The following BABAM2 variants were observed in gnomAD, a reference collection of about 807,000 sequenced individuals.
BABAM2 encodes the protein BRISC and BRCA1 A complex member 2.
In BABAM2, 31 loss-of-function variants were observed where a neutral mutation model predicts 54.7. The observed-to-expected ratio is 0.57, with a 90% CI of 0.43 to 0.77. The LOEUF (loss-of-function observed/expected upper bound fraction) is 0.77. BABAM2 is among the 30% of genes least tolerant of loss of function. BABAM2 has a pLI of 0.00. For missense variants in BABAM2, 364 were observed against 455.8 expected, an observed-to-expected ratio of 0.80 and a Z score of 1.83; for synonymous variants, 167 against 162.9, an observed-to-expected ratio of 1.03 and a Z score of -0.19.
intron 4 of BABAM2, among the ~76,000 whole-genome samples, chr2:27,993,277 G>A (rs929780362): frequency 2.0e-5 from 3 of 152,148 alleles, no homozygotes; most frequent in African/African-American, 7.2e-5. Flanking sequence ...AGAGTGCCTG[G>A]TATGTAGGGG....
intron 3 of BABAM2, among the ~76,000 whole-genome samples, chr2:27,977,759 G>A (rs1035594765): frequency 3.3e-5 from 5 of 152,238 alleles, no homozygotes; most frequent in Admixed American, 1.3e-4. Flanking sequence ...GCCAAATGAT[G>A]AAGGAAATTG....
At chr2:27,952,545 G>A (rs1039258287) in intron 3 of BABAM2, among the ~76,000 whole-genome samples, 5 of 152,166 alleles carry the variant, frequency 3.3e-5, no homozygotes, top group Admixed American at 1.3e-4. Context: ...TATCCAGAGG[G>A]CACCAATGTA....
At chr2:28,275,530 C>T (rs554051033) in intron 10 of BABAM2, among the ~76,000 whole-genome samples, 10 of 152,242 alleles carry the variant, frequency 6.6e-5, no homozygotes, top group African/African-American at 1.9e-4. Context: ...AGGCAGGCCT[C>T]GGGGTTGGAA....
At chr2:27,982,772 C>T (rs1050370202) in intron 3 of BABAM2, among the ~76,000 whole-genome samples, 4 of 151,330 alleles carry the variant, frequency 2.6e-5, no homozygotes, top group Non-Finnish European at 5.9e-5. Flanking sequence ...TTGATGTCGT[C>T]AATATTCATT....
intron 7 of BABAM2, among the ~76,000 whole-genome samples, chr2:28,236,349 TTTTTTTCTTTTTTTC>T (rs1681909352): frequency 6.6e-6 from 1 of 151,892 alleles, no homozygotes; most frequent in African/African-American, 2.4e-5. Flanking sequence ...AATTTCTTTT[TTTTTTTCTTTTTTTC>T]TTTTTTCTTT....
At chr2:28,189,565 T>G (rs2130287) in intron 7 of BABAM2, among the ~76,000 whole-genome samples, 150,671 of 152,252 alleles carry the variant, frequency 0.99, 74,578 homozygotes, top group Middle Eastern at 1. Context: ...AAGTACTCAG[T>G]TATACATTTG....
At chr2:28,176,740 A>G (rs1675031199) in intron 7 of BABAM2, among the ~76,000 whole-genome samples, 1 of 151,302 alleles carries the variant, frequency 6.6e-6, no homozygotes, top group African/African-American at 2.4e-5. Flanking sequence ...AATTCAATGA[A>G]TGAAATAAAA....
Position 28,198,986 on chromosome 2 carries a change from G to T in BABAM2, c.681-38216G>T, listed in dbSNP as rs533231351. Among the ~76,000 whole-genome samples the T allele has an allele frequency of 3.9e-5, 6 of 152,352 alleles. No homozygotes were observed. The East Asian group carries it at 1.2e-3, about 29-fold the overall frequency. On this transcript the variant is annotated intron_variant, in intron 7 of 11. Coordinates refer to ENST00000379624, the MANE Select transcript of BABAM2 (RefSeq NM_199191.3). Reference sequence around the variant, plus strand: ...GGGAGGAAGGCCAGGCAATGTGGATGAAGAGTATGGTAATTTACCTAAGAT... The same window carrying T: ...GGGAGGAAGGCCAGGCAATGTGGATTAAGAGTATGGTAATTTACCTAAGAT...
rs911758341 is a variant in BABAM2, at chr2:28,082,255, G to A, written c.570+36456G>A. Among the ~76,000 whole-genome samples the A allele has an allele frequency of 4.6e-5, 7 of 152,202 alleles. No individual in the cohort carries two copies. In the East Asian group the frequency reaches 5.8e-4, roughly 13 times the overall value. On this transcript the variant is annotated intron_variant, in intron 6 of 11. Coordinates refer to ENST00000379624, the MANE Select transcript of BABAM2 (RefSeq NM_199191.3). ...CATTCCAAGGAAGGCACTACAGTGC[G>A]TTCTCAGTATAAAGCAAATAGTTTT...
chr2:28,316,970 A>G (rs936756740), intron 11 of BABAM2, among the ~76,000 whole-genome samples: 6 of 152,112 alleles, frequency 3.9e-5, no homozygotes, highest in African/African-American at 1.4e-4. Flanking sequence ...AGCTCAGGGG[A>G]TCTGAGTATT....
chr2:28,189,602 C>T (rs1389956476), intron 7 of BABAM2, among the ~76,000 whole-genome samples: 2 of 151,968 alleles, frequency 1.3e-5, no homozygotes, highest in East Asian at 3.9e-4. Flanking sequence ...ACCCATATAC[C>T]AAAAAGTATA....
chr2:28,027,308 C>T (rs1029374434), intron 5 of BABAM2, among the ~76,000 whole-genome samples: 2 of 151,950 alleles, frequency 1.3e-5, no homozygotes, highest in Non-Finnish European at 2.9e-5. Context: ...CCCCAGTAGC[C>T]GTTTTGAGGT....
intron 3 of BABAM2, among the ~76,000 whole-genome samples, chr2:27,944,076 ATTATAGT>A (rs1669119833): frequency 6.6e-6 from 1 of 152,108 alleles, no homozygotes; most frequent in African/African-American, 2.4e-5. Context: ...TTTGGTACTG[ATTATAGT>A]TTATTAAAAA....
At chr2:28,244,757 G>C in intron 9 of BABAM2, 23 bp from the exon 10 acceptor site, 1 of 1,593,362 alleles carries the variant, frequency 6.3e-7, no homozygotes, top group South Asian at 1.1e-5. Context: ...TTTTGTTTGT[G>C]TGTGTATGTT....
intron 6 of BABAM2, among the ~76,000 whole-genome samples, chr2:28,080,280 T>C (rs1665048502): frequency 6.6e-6 from 1 of 152,208 alleles, no homozygotes; most frequent in South Asian, 2.1e-4. Flanking sequence ...CTTAAAATTC[T>C]GTGATACTCA....
intron 6 of BABAM2, among the ~76,000 whole-genome samples, chr2:28,112,150 C>CTTTCTTTCT (rs1558346816): frequency 5.3e-4 from 1 of 1,870 alleles, no homozygotes; most frequent in Non-Finnish European, 9.9e-4. Context: ...TCTTTCTTTA[C>CTTTCTTTCT]CTCCCTCCCT....
At chr2:28,129,228 A>C in intron 6 of BABAM2, 43 bp from the exon 7 acceptor site, 42 of 1,520,064 alleles carry the variant, frequency 2.8e-5, no homozygotes, top group Non-Finnish European at 3.4e-5. Context: ...ATAAGATGTT[A>C]GGAGAACAGG....
intron 11 of BABAM2, among the ~76,000 whole-genome samples, chr2:28,334,749 A>G (rs1459703554): frequency 6.6e-6 from 1 of 152,238 alleles, no homozygotes; most frequent in Non-Finnish European, 1.5e-5. Context: ...GGCAGCCAAC[A>G]GTTGACTGTC....
intron 6 of BABAM2, among the ~76,000 whole-genome samples, chr2:28,115,810 G>A (rs890835224): frequency 1.3e-5 from 2 of 151,952 alleles, no homozygotes; most frequent in South Asian, 2.1e-4. Flanking sequence ...TATCAGCAGG[G>A]TGGTAGAAAA....
Sources: allele counts gnomAD v4.1 joint callset (sites outside exome capture counted in the v4.1 genomes callset), GRCh38; gene constraint gnomAD v4.1.1; transcripts MANE v1.5; gene names NCBI Gene and HGNC (gene_info 2026-07-23, HGNC 2026-07-21).